FBXL17: variants seen among roughly 807,000 people sequenced by gnomAD.
FBXL17 encodes the protein F-box and leucine rich repeat protein 17.
A neutral mutation model predicts 66.2 loss-of-function variants in FBXL17; 22 were observed. That is an observed-to-expected ratio of 0.33 (90% CI 0.24 to 0.47). The LOEUF is 0.47. FBXL17 is among the 20% of genes least tolerant of loss of function. The probability of loss-of-function intolerance (pLI) is 1.00; values close to 1 mark genes in which losing one functional copy is unlikely to be tolerated. For synonymous variants in FBXL17, 474 were observed against 400.5 expected, an observed-to-expected ratio of 1.18 and a Z score of -2.19; for missense variants, 878 against 948.2, an observed-to-expected ratio of 0.93 and a Z score of 0.97.
At chr5:107,893,850 T>G (rs1484831117) in intron 7 of FBXL17, among the ~76,000 whole-genome samples, 1 of 152,190 alleles carries the variant, frequency 6.6e-6, no homozygotes, top group Non-Finnish European at 1.5e-5. Flanking sequence ...ATTGGCAACA[T>G]TCACTTCCAC....
chr5:108,214,726 C>T (rs186008050), intron 5 of FBXL17, among the ~76,000 whole-genome samples: 40 of 152,200 alleles, frequency 2.6e-4, no homozygotes, highest in Non-Finnish European at 4.1e-4. Context: ...CTTTGTCTAA[C>T]CCAAGATCAC....
rs188332969 is a variant in FBXL17, at chr5:108,046,008, T to C, written c.1746-25007A>G. ...AGTGTTATTGAGATCATTTGTTTCC[T>C]TGCTGATATTTTCTAATTGTTCTAC... On this transcript the variant is annotated intron_variant, in intron 6 of 8. Transcript: ENST00000542267. Among the ~76,000 whole-genome samples, 3 of 152,346 alleles carry C rather than the reference T, an allele frequency of 2.0e-5. No individual in the cohort carries two copies. In the East Asian group the frequency reaches 5.8e-4, roughly 29 times the overall value.
intron 5 of FBXL17, among the ~76,000 whole-genome samples, chr5:108,214,380 T>C (rs566448488): frequency 1.3e-5 from 2 of 151,098 alleles, no homozygotes; most frequent in African/African-American, 4.9e-5. Flanking sequence ...TTTTTTTTTT[T>C]TTTTTGAGAC....
chr5:108,098,812 A>G (rs1198043077), intron 6 of FBXL17, among the ~76,000 whole-genome samples: 1 of 152,006 alleles, frequency 6.6e-6, no homozygotes, highest in African/African-American at 2.4e-5. Flanking sequence ...GAAAAAAAAT[A>G]TATACTTTAA....
intron 6 of FBXL17, among the ~76,000 whole-genome samples, chr5:108,138,993 G>A (rs1349757906): frequency 6.6e-6 from 1 of 152,170 alleles, no homozygotes; most frequent in African/African-American, 2.4e-5. Context: ...CTCCCTGCAA[G>A]ATAATCATTT....
chr5:108,298,887 C>CT (rs1758459857), intron 4 of FBXL17: 2 of 932,414 alleles, frequency 2.1e-6, no homozygotes, highest in South Asian at 9.9e-5. Context: ...TAAAATGAGC[C>CT]TTTTTTCCAT....
At chr5:108,048,537 T>G (rs1490275132) in intron 6 of FBXL17, among the ~76,000 whole-genome samples, 2 of 152,110 alleles carry the variant, frequency 1.3e-5, no homozygotes, top group East Asian at 3.9e-4. Context: ...CCTAACCCAG[T>G]GCAAAGGAGC....
chr5:107,999,584 T>C (rs934463210), intron 7 of FBXL17, among the ~76,000 whole-genome samples: 3 of 151,756 alleles, frequency 2.0e-5, no homozygotes, highest in African/African-American at 7.3e-5. Context: ...TCAACTCATT[T>C]AGCTGCTTCT....
At position 108,336,225 on chromosome 5, in the gene FBXL17, C is replaced by T. The variant is rs145191326; in HGVS notation, c.1506+12174G>A. ...AAAACACTTGCCAGTGTAACCTCTGCGTGGTGTATTACTCTCAAAGCATGC... is the reference window on the plus strand; with the variant it reads ...AAAACACTTGCCAGTGTAACCTCTGTGTGGTGTATTACTCTCAAAGCATGC... On this transcript the variant is annotated intron_variant, in intron 4 of 8. Coordinates refer to ENST00000542267, the MANE Select transcript of FBXL17 (RefSeq NM_001163315.3). 3.3e-3 allele frequency among the ~76,000 whole-genome samples: 507 copies of T among 152,200 alleles called. 1 individual carries two copies. Among genetic ancestry groups the T allele is most frequent in the African/African-American group, 0.012 (489 of 41,544 alleles).
At chr5:108,323,768 T>A (rs1759728342) in intron 4 of FBXL17, among the ~76,000 whole-genome samples, 1 of 151,962 alleles carries the variant, frequency 6.6e-6, no homozygotes, top group Admixed American at 6.6e-5. Flanking sequence ...TGAAACAATC[T>A]AGAAACAAAT....
intron 6 of FBXL17, among the ~76,000 whole-genome samples, chr5:108,144,491 T>C (rs1751481638): frequency 6.6e-6 from 1 of 152,162 alleles, no homozygotes; most frequent in Non-Finnish European, 1.5e-5. Context: ...TATATTAAAA[T>C]GCCATAATAC....
intron 6 of FBXL17, among the ~76,000 whole-genome samples, chr5:108,078,678 C>A (rs1326945718): frequency 2.0e-5 from 3 of 152,162 alleles, no homozygotes; most frequent in Non-Finnish European, 4.4e-5. Context: ...AAAAAGACTA[C>A]CTTTGCTAGC....
intron 7 of FBXL17, among the ~76,000 whole-genome samples, chr5:107,977,607 TA>T (rs1397081521): frequency 3.3e-5 from 5 of 152,222 alleles, no homozygotes; most frequent in Admixed American, 6.5e-5. Context: ...TGGCATTCTT[TA>T]CAGTCACTGC....
chr5:108,252,779 A>G (rs1241787300), intron 4 of FBXL17, among the ~76,000 whole-genome samples: 2 of 152,198 alleles, frequency 1.3e-5, no homozygotes, highest in Non-Finnish European at 2.9e-5. Flanking sequence ...TTTCTCTGAC[A>G]GCAGAGAGGC....
intron 7 of FBXL17, among the ~76,000 whole-genome samples, chr5:107,931,557 T>A (rs200321031): frequency 1.7e-5 from 1 of 59,808 alleles, no homozygotes; most frequent in Non-Finnish European, 4.3e-5. Context: ...AGGCTGAGAA[T>A]TTTTTTTTTA....
At chr5:108,352,327 G>A (rs1322917456) in intron 3 of FBXL17, among the ~76,000 whole-genome samples, 3 of 152,154 alleles carry the variant, frequency 2.0e-5, no homozygotes, top group Admixed American at 1.3e-4. Context: ...CATTATAACT[G>A]ATATATTTAC....
intron 1 of FBXL17, among the ~76,000 whole-genome samples, chr5:108,374,967 T>C (rs1319679696): frequency 6.6e-6 from 1 of 151,882 alleles, no homozygotes; most frequent in Non-Finnish European, 1.5e-5. Flanking sequence ...CAATACAAAC[T>C]AAGCAGAAAC....
At chr5:108,260,034 CA>C (rs72240923) in intron 4 of FBXL17, among the ~76,000 whole-genome samples, 7 of 140,728 alleles carry the variant, frequency 5.0e-5, no homozygotes, top group Non-Finnish European at 7.9e-5. Flanking sequence ...AAAAAAAAAA[CA>C]AAAAAAAAAC....
At chr5:108,344,142 G>A (rs563821699) in intron 4 of FBXL17, among the ~76,000 whole-genome samples, 2 of 151,838 alleles carry the variant, frequency 1.3e-5, no homozygotes, top group South Asian at 4.2e-4. Context: ...AATGGCGTTT[G>A]CCTCCATCTC....
Sources: allele counts gnomAD v4.1 joint callset (sites outside exome capture counted in the v4.1 genomes callset), GRCh38; gene constraint gnomAD v4.1.1; transcripts MANE v1.5; gene names NCBI Gene and HGNC (gene_info 2026-07-23, HGNC 2026-07-21).